The following ERAP2 variants were observed in gnomAD, a reference collection of about 807,000 sequenced individuals.
ERAP2 encodes the protein endoplasmic reticulum aminopeptidase 2.
In ERAP2, 118 loss-of-function variants were observed where a neutral mutation model predicts 111.1. The observed-to-expected ratio is 1.06, with a 90% CI of 0.92 to 1.24. ERAP2 has a LOEUF of 1.24. Ranked by LOEUF, ERAP2 falls within the 50% of genes most tolerant of loss-of-function variation. The pLI is 0.00. For missense variants in ERAP2, 1,131 were observed against 1,125.8 expected (o/e 1.00, Z -0.07); for synonymous variants, 410 against 401.2 (o/e 1.02, Z -0.26).
chr5:96,914,148 T>TCTCTCTCA (rs34158080), intron 17 of ERAP2, among the ~76,000 whole-genome samples: 174 of 148,078 alleles, frequency 1.2e-3, no homozygotes, highest in African/African-American at 3.6e-3. Context: ...TCTCTCTCTC[T>TCTCTCTCA]CACACACACA....
At chr5:96,907,624 G>A (rs1448704656) in intron 13 of ERAP2, among the ~76,000 whole-genome samples, 2 of 151,164 alleles carry the variant, frequency 1.3e-5, no homozygotes, top group South Asian at 2.1e-4. Context: ...GCTCATGCCT[G>A]TAATCCCAGC....
chr5:96,893,904 AG>A (rs1784619847), intron 6 of ERAP2, among the ~76,000 whole-genome samples: 1 of 152,188 alleles, frequency 6.6e-6, no homozygotes, highest in Non-Finnish European at 1.5e-5. Context: ...TGAACATGCC[AG>A]GTTGTATCAC....
Position 96,887,365 on chromosome 5 carries a change from A to C in ERAP2, c.849+576A>C, listed in dbSNP as rs1783866918. Among the ~76,000 whole-genome samples, 7 of 146,662 alleles carry C rather than the reference A, an allele frequency of 4.8e-5. No homozygotes were observed. In the South Asian group the frequency reaches 1.5e-3, roughly 31 times the overall value. ...GGCCAGGCTGGAGTGCAATGATGCT[A>C]TCTCGGCTCACTGCAATCTCCGCCT... On this transcript the variant is annotated intron_variant, in intron 4 of 18. Transcript: ENST00000437043.
At chr5:96,908,164 C>T (rs1786311264) in intron 13 of ERAP2, among the ~76,000 whole-genome samples, 1 of 152,128 alleles carries the variant, frequency 6.6e-6, no homozygotes, top group Admixed American at 6.5e-5. Context: ...ACCCTTTGTT[C>T]TGGAATCAGT....
At chr5:96,885,011 G>A (rs934398217) in intron 3 of ERAP2, among the ~76,000 whole-genome samples, 17 of 152,076 alleles carry the variant, frequency 1.1e-4, no homozygotes, top group Admixed American at 6.6e-5. Context: ...CCCCATACAC[G>A]TCTATTTAAG....
rs765894093 is a variant in ERAP2, at chr5:96,911,837, A to G, written c.2355-800A>G. Among the ~76,000 whole-genome samples, 77 of 148,704 alleles carry G rather than the reference A, an allele frequency of 5.2e-4. 1 individual carries two copies. The highest frequency in any genetic ancestry group is 2.1e-3 in the Admixed American group (32 of 14,892). ...AGCCATGATCACGCCACTGCACTCC[A>G]ACCTGAACAACAGAGTAAGACCCTG... On this transcript the variant is annotated intron_variant, in intron 15 of 18. Coordinates refer to ENST00000437043, the MANE Select transcript of ERAP2 (RefSeq NM_022350.5).
intron 2 of ERAP2, among the ~76,000 whole-genome samples, chr5:96,883,253 G>C (rs756556938): frequency 2.1e-4 from 32 of 152,102 alleles, no homozygotes; most frequent in Non-Finnish European, 4.1e-4. Context: ...CCCTTGACTG[G>C]CTTCTCCCTT....
At chr5:96,899,755 A>C (rs1785253710) in intron 9 of ERAP2, among the ~76,000 whole-genome samples, 1 of 152,230 alleles carries the variant, frequency 6.6e-6, no homozygotes, top group African/African-American at 2.4e-5. Flanking sequence ...AGTTGCCTAC[A>C]TGCTAAATAG....
At chr5:96,903,113 C>A (rs1460637588) in intron 12 of ERAP2, among the ~76,000 whole-genome samples, 2 of 152,168 alleles carry the variant, frequency 1.3e-5, no homozygotes, top group African/African-American at 4.8e-5. Context: ...CCCTTCCTTG[C>A]ATGTCTCTTA....
At chr5:96,894,844 A>G (rs1434221393) in intron 6 of ERAP2, among the ~76,000 whole-genome samples, 1 of 152,106 alleles carries the variant, frequency 6.6e-6, no homozygotes, top group Non-Finnish European at 1.5e-5. Flanking sequence ...GGACACTTGG[A>G]TTTATATTTC....
chr5:96,909,779 C>A lies in ERAP2; in HGVS notation c.2354+15C>A, dbSNP rs748545337. The A allele has an allele frequency of 3.1e-6, 5 of 1,609,570 alleles. No homozygotes were observed. Among genetic ancestry groups the A allele is most frequent in the Non-Finnish European group, 4.2e-6 (5 of 1,176,524 alleles). ...GGAAAATTAAAGTAGATGTAGACTT[C>A]TGTCCTACCCTTTGTTCTTTTCTCT... On this transcript the variant is annotated intron_variant, in intron 15 of 18. Transcript: ENST00000437043.
At chr5:96,884,058 CT>C (rs971092304) in intron 3 of ERAP2, 128 bp downstream of exon 3, 66 of 629,214 alleles carry the variant, frequency 1.0e-4, no homozygotes, top group Admixed American at 2.2e-4. Flanking sequence ...ATCTATCTAT[CT>C]ATCTATCTAT....
At chr5:96,877,115 C>T (rs569687213) in intron 1 of ERAP2, among the ~76,000 whole-genome samples, 13 of 152,300 alleles carry the variant, frequency 8.5e-5, no homozygotes, top group Non-Finnish European at 1.5e-4. Context: ...GCTAGGACTA[C>T]GGGCATGTGC....
chr5:96,917,378 C>T, intron 18 of ERAP2, 84 bp from the exon 19 acceptor site: 2 of 1,380,816 alleles, frequency 1.4e-6, no homozygotes, highest in South Asian at 1.4e-5. Context: ...ACCTTGGCCT[C>T]CCGAAGTGCT....
In ERAP2 at chr5:96,896,839, T is replaced by C. The variant is rs777193391; in HGVS notation, c.1479T>C (p.Asp493=). ...KKFSYRNAKN[D]DLWSSLSNSC... is the part of the protein sequence containing the mutation. ...TCAGCTATAGAAATGCTAAGAATGA[T>C]GACTTGTGGAGCAGTCTGTCAAATG... is the stretch of plus-strand genomic sequence containing the variant. Residue 493 remains aspartate, a synonymous_variant, in exon 9 of 19, where the codon GAT becomes GAC. Transcript: ENST00000437043. The C allele has an allele frequency of 1.9e-6, 3 of 1,596,798 alleles. No individual in the cohort carries two copies. The highest frequency in any genetic ancestry group is 2.6e-6 in the Non-Finnish European group (3 of 1,175,160).
At chr5:96,916,972 C>T (rs572214916) in intron 18 of ERAP2, among the ~76,000 whole-genome samples, 3 of 152,044 alleles carry the variant, frequency 2.0e-5, no homozygotes, top group African/African-American at 4.8e-5. Flanking sequence ...CTTACTTTAC[C>T]TATTGTTTGA....
intron 4 of ERAP2, among the ~76,000 whole-genome samples, chr5:96,888,510 A>C (rs1783996899): frequency 6.6e-6 from 1 of 152,260 alleles, no homozygotes; most frequent in Admixed American, 6.5e-5. Flanking sequence ...AGCATTCAGC[A>C]CAGTGCCTGG....
rs757609966 is a variant in ERAP2 at position 96,887,098 on chromosome 5, TATACACAC to T, written c.849+311_849+318del. Among the ~76,000 whole-genome samples the T allele has an allele frequency of 6.3e-3, 622 of 99,414 alleles. 11 individuals carry two copies. Among genetic ancestry groups the T allele is most frequent in the African/African-American group, 0.017 (496 of 29,330 alleles). 65.2% of individuals were successfully genotyped at this position (99,414 alleles called of 152,430 possible). A position where few individuals can be genotyped will look rare whatever the true frequency, so the allele number is the denominator to read the frequency against. ...GTATATATATATATATATATATATA[TATACACAC>T]ACACACACACACACACACACATACA... On this transcript the variant is annotated intron_variant, in intron 4 of 18. Transcript: ENST00000437043.
At chr5:96,882,764 C>G (rs1226995420) in intron 2 of ERAP2, among the ~76,000 whole-genome samples, 1 of 152,136 alleles carries the variant, frequency 6.6e-6, no homozygotes, top group Non-Finnish European at 1.5e-5. Context: ...ACAAGTGAAT[C>G]ATTTACATCC....
Sources: gnomAD v4.1 joint callset for allele counts (sites outside exome capture counted in the v4.1 genomes callset) on GRCh38, gnomAD v4.1.1 for gene constraint, MANE v1.5 for transcripts, NCBI Gene and HGNC (gene_info 2026-07-23, HGNC 2026-07-21) for gene names.